LRRC37A2: variants seen among roughly 807,000 people sequenced by gnomAD.
The protein encoded by LRRC37A2 is leucine rich repeat containing 37 member A2.
In LRRC37A2, 9 loss-of-function variants were observed where a neutral mutation model predicts 68.8. The observed-to-expected ratio is 0.13, with a 90% confidence interval of 0.08 to 0.23. The LOEUF (loss-of-function observed/expected upper bound fraction) is 0.23, where lower values mean the gene tolerates loss of function less well. Ranked by LOEUF, LRRC37A2 falls within the 10% of genes least tolerant of loss-of-function variation. LRRC37A2 has a pLI of 1.00. For synonymous variants in LRRC37A2, 63 were observed against 367.6 expected, an observed-to-expected ratio of 0.17 and a Z score of 9.48; for missense variants, 168 against 950.4, an observed-to-expected ratio of 0.18 and a Z score of 10.82.
At chr17:46,721,237 A>G in the LRRC37A2 span, among the ~76,000 whole-genome samples, 1 of 152,126 alleles carries the variant, frequency 6.6e-6, no homozygotes, top group Non-Finnish European at 1.5e-5. Flanking sequence ...TTTGCATGCA[A>G]GAGAGGTTAC....
At chr17:46,905,002 C>T in the LRRC37A2 span, among the ~76,000 whole-genome samples, 2,823 of 152,218 alleles carry the variant, frequency 0.019, 74 homozygotes, top group African/African-American at 0.065. Context: ...AGCAGGTCTC[C>T]GCTTGTTCCA....
chr17:46,891,491 C>A, the LRRC37A2 span, among the ~76,000 whole-genome samples: 20 of 152,214 alleles, frequency 1.3e-4, no homozygotes, highest in Non-Finnish European at 2.5e-4. Flanking sequence ...ACCCCACCAT[C>A]TGCAACGTCC....
At chr17:46,929,836 T>A in the LRRC37A2 span, 225 of 489,860 alleles carry the variant, frequency 4.6e-4, 3 homozygotes, top group Middle Eastern at 1.7e-3. Flanking sequence ...TGGAAGCGCT[T>A]GCCTCCATCT....
At chr17:46,913,189 A>G in the LRRC37A2 span, among the ~76,000 whole-genome samples, 2 of 152,222 alleles carry the variant, frequency 1.3e-5, no homozygotes, top group Admixed American at 6.5e-5. Context: ...ACTTCCAAAT[A>G]ATTCTAGATT....
chr17:46,860,813 C>T, the LRRC37A2 span, among the ~76,000 whole-genome samples: 3 of 152,338 alleles, frequency 2.0e-5, no homozygotes, highest in Admixed American at 1.3e-4. Flanking sequence ...TGTGGCAACC[C>T]AGGAGGTAGG....
At chr17:46,767,775 T>C in the LRRC37A2 span, among the ~76,000 whole-genome samples, 2 of 151,818 alleles carry the variant, frequency 1.3e-5, no homozygotes. Flanking sequence ...TGAATTTTGT[T>C]TTTTTTTGTT....
At chr17:46,501,358 A>T in the LRRC37A2 span, among the ~76,000 whole-genome samples, 4 of 151,114 alleles carry the variant, frequency 2.6e-5, no homozygotes, top group Non-Finnish European at 5.9e-5. Context: ...GTATTTTAGT[A>T]GAGATAGAGT....
chr17:46,775,577 T>TAGAAAAAGC, the LRRC37A2 span, among the ~76,000 whole-genome samples: 1 of 152,104 alleles, frequency 6.6e-6, no homozygotes, highest in Non-Finnish European at 1.5e-5. Flanking sequence ...ACTGAGCTTT[T>TAGAAAAAGC]TCTAAAGAGA....
At chr17:46,923,021 T>G in the LRRC37A2 span, 1 of 645,202 alleles carries the variant, frequency 1.5e-6, no homozygotes, top group East Asian at 2.7e-5. Flanking sequence ...GCCTCATTTC[T>G]CCTTCCCCTT....
At chr17:47,022,168 C>CTTTTTTTTTTTTTTTTTTTTTTTT in the LRRC37A2 span, among the ~76,000 whole-genome samples, 8 of 19,718 alleles carry the variant, frequency 4.1e-4, 1 homozygote, top group Non-Finnish European at 5.7e-4. Flanking sequence ...TTTTTGTTCT[C>CTTTTTTTTTTTTTTTTTTTTTTTT]TTTTTTTTTT....
chr17:46,450,118 C>T, the LRRC37A2 span, among the ~76,000 whole-genome samples: 2 of 87,216 alleles, frequency 2.3e-5, no homozygotes, highest in African/African-American at 4.8e-5. Context: ...CCCATTTTTC[C>T]TTGCTTACTC....
chr17:46,500,285 C>CT, the LRRC37A2 span, among the ~76,000 whole-genome samples: 67,394 of 113,714 alleles, frequency 0.59, 22,577 homozygotes, highest in Middle Eastern at 0.77. Context: ...CCTGAGGCAT[C>CT]TTTTTGCTTC....
At chr17:46,979,257 T>G in the LRRC37A2 span, 1 of 339,326 alleles carries the variant, frequency 2.9e-6, no homozygotes, top group African/African-American at 2.2e-5. Flanking sequence ...CTAGTGTGCT[T>G]AGCGGTCGCC....
At chr17:46,880,742 G>A in the LRRC37A2 span, among the ~76,000 whole-genome samples, 2 of 152,152 alleles carry the variant, frequency 1.3e-5, no homozygotes, top group East Asian at 3.9e-4. Context: ...CTGTACACTG[G>A]TATAGGTCGG....
chr17:46,931,940 G>T, the LRRC37A2 span: 1 of 808,804 alleles, frequency 1.2e-6, no homozygotes, highest in Non-Finnish European at 2.2e-6. Context: ...TGTGGTGAGG[G>T]GGTATAGTGT....
chr17:46,837,466 G>T, the LRRC37A2 span, among the ~76,000 whole-genome samples: 2 of 152,206 alleles, frequency 1.3e-5, no homozygotes, highest in African/African-American at 4.8e-5. Flanking sequence ...CCATCTTGCT[G>T]TATGACATTT....
At chr17:46,798,148 C>T in the LRRC37A2 span, among the ~76,000 whole-genome samples, 1 of 152,138 alleles carries the variant, frequency 6.6e-6, no homozygotes, top group Non-Finnish European at 1.5e-5. Flanking sequence ...AGGCTGGTCT[C>T]GAACCCCTGA....
the LRRC37A2 span, among the ~76,000 whole-genome samples, chr17:46,703,699 A>C: frequency 1.3e-4 from 20 of 149,048 alleles, no homozygotes; most frequent in Non-Finnish European, 2.2e-4. Context: ...AAAAAAAAAA[A>C]AAAAACAAAA....
At chr17:46,458,581 G>A in the LRRC37A2 span, among the ~76,000 whole-genome samples, 1 of 40,158 alleles carries the variant, frequency 2.5e-5, no homozygotes, top group Admixed American at 3.8e-4. Flanking sequence ...TGCTCTTGTT[G>A]CCCAGGCTGG....
Sources: allele counts gnomAD v4.1 joint callset (sites outside exome capture counted in the v4.1 genomes callset), GRCh38; gene constraint gnomAD v4.1.1; transcripts MANE v1.5; gene names NCBI Gene and HGNC (gene_info 2026-07-23, HGNC 2026-07-21).